Variants in GAS7 observed in about 807,000 individuals in gnomAD.
GAS7 encodes growth arrest specific 7.
In GAS7, 28 loss-of-function variants were observed where a neutral mutation model predicts 71.1. The observed-to-expected ratio is 0.39, with a 90% CI of 0.29 to 0.54. The LOEUF is 0.54. GAS7 is among the 20% of genes least tolerant of loss of function. The pLI is 0.62. For synonymous variants in GAS7, 258 were observed against 245.8 expected (o/e 1.05, Z -0.46); for missense variants, 436 against 627.8 (o/e 0.69, Z 3.27).
At chr17:10,027,826 C>A (rs1189174311) in intron 1 of GAS7, among the ~76,000 whole-genome samples, 1 of 152,116 alleles carries the variant, frequency 6.6e-6, no homozygotes, top group Non-Finnish European at 1.5e-5. Flanking sequence ...TCAAGGAGAG[C>A]CTGGACAACA....
At chr17:10,150,798 AGGC>A in intron 1 of GAS7, among the ~76,000 whole-genome samples, 1 of 152,024 alleles carries the variant, frequency 6.6e-6, no homozygotes, top group Admixed American at 6.6e-5. Flanking sequence ...CATGTTGGCC[AGGC>A]TGGTCTCGAA....
At chr17:9,991,443 CTG>C (rs141473712) in intron 2 of GAS7, among the ~76,000 whole-genome samples, 1 of 152,282 alleles carries the variant, frequency 6.6e-6, no homozygotes, top group East Asian at 1.9e-4. Flanking sequence ...GATACAGAAA[CTG>C]TGTTACTGAT....
In GAS7 at chr17:9,912,843, G is replaced by C. The variant is rs767484411; in HGVS notation, c.*4385C>G. The stretch of plus-strand genomic sequence containing the variant: ...GGCTCAGTGTAAAAATAAAGAAGCA[G>C]AGTAGTACGCCCATGCAATGAAATA... On this transcript the variant is annotated 3_prime_UTR_variant, in exon 14 of 14. Transcript: ENST00000432992. The C allele has an allele frequency of 4.3e-6, 1 of 232,636 alleles. No homozygotes were observed. The highest frequency in any genetic ancestry group is 1.8e-4 in the South Asian group (1 of 5,526). 14.4% of individuals were successfully genotyped at this position (232,636 alleles called of 1,614,324 possible).
At chr17:10,133,133 TTC>T (rs1306995987) in intron 1 of GAS7, among the ~76,000 whole-genome samples, 26,445 of 144,010 alleles carry the variant, frequency 0.18, 2,575 homozygotes, top group South Asian at 0.21. Flanking sequence ...TTTTTTTTTT[TTC>T]TTTTTTGAGA....
At chr17:9,925,382 G>T in intron 11 of GAS7, 94 bp downstream of exon 11, 1 of 1,296,914 alleles carries the variant, frequency 7.7e-7, no homozygotes. Flanking sequence ...TCTTGCAAAG[G>T]AGAGATGCAC....
At chr17:10,082,444 A>C (rs2073467956) in intron 1 of GAS7, among the ~76,000 whole-genome samples, 1 of 152,230 alleles carries the variant, frequency 6.6e-6, no homozygotes, top group Admixed American at 6.5e-5. Flanking sequence ...ATACAAGATA[A>C]AAGCACCATG....
chr17:10,122,409 A>C (rs2073912101), intron 1 of GAS7, among the ~76,000 whole-genome samples: 1 of 152,176 alleles, frequency 6.6e-6, no homozygotes, highest in African/African-American at 2.4e-5. Flanking sequence ...CAGTCAGTTT[A>C]TGTGATGGCC....
chr17:10,029,152 C>A (rs962193960), intron 1 of GAS7, among the ~76,000 whole-genome samples: 4 of 152,148 alleles, frequency 2.6e-5, no homozygotes, highest in Non-Finnish European at 5.9e-5. Flanking sequence ...AAGACCAGTG[C>A]AAGAATAAAA....
intron 1 of GAS7, among the ~76,000 whole-genome samples, chr17:10,187,340 C>T (rs1478129644): frequency 6.6e-6 from 1 of 152,152 alleles, no homozygotes; most frequent in Non-Finnish European, 1.5e-5. Context: ...ACTGAGATTG[C>T]TGTGGTGGCA....
At chr17:9,928,627 T>C (rs1383058562) in intron 9 of GAS7, among the ~76,000 whole-genome samples, 1 of 152,208 alleles carries the variant, frequency 6.6e-6, no homozygotes, top group Non-Finnish European at 1.5e-5. Flanking sequence ...ACAGATGATA[T>C]CCCAACGAGG....
chr17:10,181,177 C>T (rs553847735), intron 1 of GAS7, among the ~76,000 whole-genome samples: 7 of 147,396 alleles, frequency 4.7e-5, no homozygotes, highest in East Asian at 1.9e-4. Flanking sequence ...CTGGCTAACA[C>T]AGTGAAACCC....
At chr17:10,012,352 AT>A (rs1188746074) in intron 2 of GAS7, among the ~76,000 whole-genome samples, 1 of 152,184 alleles carries the variant, frequency 6.6e-6, no homozygotes, top group African/African-American at 2.4e-5. Flanking sequence ...CAATGGTGTG[AT>A]TTCGGTTCAT....
chr17:9,954,931 G>T (rs1217393500), intron 5 of GAS7, among the ~76,000 whole-genome samples: 1 of 152,160 alleles, frequency 6.6e-6, no homozygotes, highest in Non-Finnish European at 1.5e-5. Flanking sequence ...TGAGAGGTGT[G>T]TGCGCGCAGA....
intron 1 of GAS7, among the ~76,000 whole-genome samples, chr17:10,182,229 G>A (rs1026823719): frequency 3.3e-5 from 5 of 152,126 alleles, no homozygotes; most frequent in South Asian, 2.1e-4. Flanking sequence ...GCACGATCTC[G>A]ACTCACTGCA....
At chr17:10,010,685 G>A (rs1000818518) in intron 2 of GAS7, among the ~76,000 whole-genome samples, 8 of 152,126 alleles carry the variant, frequency 5.3e-5, no homozygotes, top group African/African-American at 1.9e-4. Context: ...CCTTAGACGT[G>A]CCCAGAACAC....
chr17:10,014,694 C>G (rs773667020), intron 2 of GAS7, among the ~76,000 whole-genome samples: 3 of 152,106 alleles, frequency 2.0e-5, no homozygotes, highest in Admixed American at 1.3e-4. Context: ...GATTTCCACA[C>G]GAATACCTGT....
intron 2 of GAS7, among the ~76,000 whole-genome samples, chr17:10,005,933 A>G (rs9910357): frequency 0.25 from 37,559 of 152,146 alleles, 7,251 homozygotes; most frequent in African/African-American, 0.54. Context: ...TACACAATGC[A>G]CAGTGGACCT....
intron 1 of GAS7, among the ~76,000 whole-genome samples, chr17:10,106,862 C>T (rs541078388): frequency 2.0e-5 from 3 of 152,132 alleles, no homozygotes; most frequent in Non-Finnish European, 2.9e-5. Flanking sequence ...CTTTGTAGGG[C>T]ATGACTGACT....
rs2074558631 is a variant in GAS7, at chr17:10,198,567, G to T, written c.-177C>A. ...GGCGGGGGACGCGCGCTCCGCGCCG[G>T]GAAGCAGAGACTCGTTGGCTTCGCA... On this transcript the variant is annotated 5_prime_UTR_variant, in exon 1 of 14. Transcript: ENST00000432992. The T allele has an allele frequency of 7.7e-6, 3 of 390,512 alleles. No homozygotes were observed. Among genetic ancestry groups the T allele is most frequent in the Non-Finnish European group, 1.3e-5 (3 of 225,268 alleles). The allele number at this position is 390,512 out of a possible 1,614,324, so 24.2% of individuals were successfully genotyped here. A position where few individuals can be genotyped will look rare whatever the true frequency, so the allele number is the denominator to read the frequency against.
Sources: gnomAD v4.1 joint callset for allele counts (sites outside exome capture counted in the v4.1 genomes callset) on GRCh38, gnomAD v4.1.1 for gene constraint, MANE v1.5 for transcripts, NCBI Gene and HGNC (gene_info 2026-07-23, HGNC 2026-07-21) for gene names.